TAFA5: variants seen among roughly 807,000 people sequenced by gnomAD.
TAFA5 encodes the protein TAFA chemokine like family member 5.
In TAFA5, 6 loss-of-function variants were observed where a neutral mutation model predicts 15.3. That is an observed-to-expected ratio of 0.39 (90% CI 0.21 to 0.77). TAFA5 has a LOEUF of 0.77. TAFA5 is among the 30% of genes least tolerant of loss of function. The pLI, the probability that TAFA5 is intolerant of heterozygous loss-of-function variation, is 0.41. For synonymous variants in TAFA5, 103 were observed against 80.7 expected, an observed-to-expected ratio of 1.28 and a Z score of -1.48; for missense variants, 161 against 193.1, an observed-to-expected ratio of 0.83 and a Z score of 0.98.
At chr22:48,537,235 G>A (rs1186660570) in intron 1 of TAFA5, among the ~76,000 whole-genome samples, 3 of 152,262 alleles carry the variant, frequency 2.0e-5, no homozygotes, top group Admixed American at 6.5e-5. Flanking sequence ...AGGGGAGGCC[G>A]GTGCTGCCAC....
intron 1 of TAFA5, among the ~76,000 whole-genome samples, chr22:48,620,710 C>G (rs1017021755): frequency 0.083 from 288 of 3,458 alleles, no homozygotes; most frequent in Non-Finnish European, 0.13. Flanking sequence ...CATACCCATC[C>G]TATCCACCCA....
intron 1 of TAFA5, among the ~76,000 whole-genome samples, chr22:48,609,896 C>G (rs977046431): frequency 6.6e-6 from 1 of 152,206 alleles, no homozygotes; most frequent in African/African-American, 2.4e-5. Context: ...CAGCCGTCCT[C>G]CCTCTGTGTC....
At chr22:48,691,463 G>A (rs892545950) in intron 2 of TAFA5, among the ~76,000 whole-genome samples, 8 of 152,200 alleles carry the variant, frequency 5.3e-5, no homozygotes, top group Admixed American at 2.0e-4. Context: ...GCCTTGTGTC[G>A]GGCACCAGGA....
At chr22:48,492,409 G>A (rs1269048377) in intron 1 of TAFA5, among the ~76,000 whole-genome samples, 1 of 152,168 alleles carries the variant, frequency 6.6e-6, no homozygotes, top group Non-Finnish European at 1.5e-5. Context: ...AACACATAAG[G>A]TGCTGGCTTC....
chr22:48,719,685 A>G lies in TAFA5; in HGVS notation c.390+11841A>G, dbSNP rs150494431. ...AGAAGTGGCCGGGGACCCGCACCTA[A>G]CTAATCTTTTTTCTGCACAAACAAT... On this transcript the variant is annotated intron_variant, in intron 3 of 3. Coordinates refer to ENST00000402357, the MANE Select transcript of TAFA5 (RefSeq NM_001082967.3). Among the ~76,000 whole-genome samples, 3 of 152,322 alleles carry G rather than the reference A, an allele frequency of 2.0e-5. No individual in the cohort carries two copies. The East Asian group carries it at 5.8e-4, about 29-fold the overall frequency.
At chr22:48,587,309 G>T (rs1924397885) in intron 1 of TAFA5, among the ~76,000 whole-genome samples, 1 of 152,220 alleles carries the variant, frequency 6.6e-6, no homozygotes, top group South Asian at 2.1e-4. Flanking sequence ...TGGGCAGAGG[G>T]TCCTGGACTG....
intron 1 of TAFA5, among the ~76,000 whole-genome samples, chr22:48,532,003 G>A (rs569273408): frequency 3.3e-5 from 5 of 152,344 alleles, no homozygotes; most frequent in African/African-American, 1.2e-4. Flanking sequence ...CTGAGCTCCC[G>A]TTTCCTGTCT....
intron 1 of TAFA5, among the ~76,000 whole-genome samples, chr22:48,600,728 C>T (rs28627733): frequency 0.09 from 13,635 of 152,246 alleles, 753 homozygotes; most frequent in East Asian, 0.21. Context: ...CGCCCTTCTG[C>T]GTAGGGTGGT....
Position 48,607,330 on chromosome 22 carries a change from G to T in TAFA5, c.113-39267G>T, listed in dbSNP as rs1341763881. On this transcript the variant is annotated intron_variant, in intron 1 of 3. Coordinates refer to ENST00000402357, the MANE Select transcript of TAFA5 (RefSeq NM_001082967.3). ...ATTAGGGCTGGCCCACCCATCCCAG[G>T]TACCTCAGCCTGGAGCAGATCTGTC... Among the ~76,000 whole-genome samples, 2 of 136,182 alleles carry T rather than the reference G, an allele frequency of 1.5e-5. 1 individual carries two copies. Among genetic ancestry groups the T allele is most frequent in the Non-Finnish European group, 3.2e-5 (2 of 63,320 alleles). The allele number at this position is 136,182 out of a possible 152,430, so 89.3% of individuals were successfully genotyped here.
At chr22:48,567,026 T>C (rs1042205545) in intron 1 of TAFA5, among the ~76,000 whole-genome samples, 1 of 152,234 alleles carries the variant, frequency 6.6e-6, no homozygotes, top group African/African-American at 2.4e-5. Context: ...GGTTTCGCTG[T>C]TCCACTTGTG....
intron 2 of TAFA5, among the ~76,000 whole-genome samples, chr22:48,660,865 C>T (rs1399082937): frequency 6.6e-6 from 1 of 152,100 alleles, no homozygotes; most frequent in Non-Finnish European, 1.5e-5. Context: ...AGCTCCTGGC[C>T]CTGGGAGCAC....
At chr22:48,667,710 T>C (rs1177263015) in intron 2 of TAFA5, among the ~76,000 whole-genome samples, 1 of 151,262 alleles carries the variant, frequency 6.6e-6, no homozygotes, top group Non-Finnish European at 1.5e-5. Flanking sequence ...CTTTCTGTCA[T>C]GAGCATGGGT....
chr22:48,495,609 G>C (rs930217447), intron 1 of TAFA5, among the ~76,000 whole-genome samples: 2 of 152,150 alleles, frequency 1.3e-5, no homozygotes, highest in African/African-American at 4.8e-5. Context: ...CCTGCACCCA[G>C]CCGGCATGTC....
At chr22:48,627,206 G>A (rs1208777358) in intron 1 of TAFA5, among the ~76,000 whole-genome samples, 4 of 152,202 alleles carry the variant, frequency 2.6e-5, no homozygotes, top group Non-Finnish European at 5.9e-5. Flanking sequence ...AATTTTTCTG[G>A]AAGTTCAGTC....
At position 48,509,883 on chromosome 22, in the gene TAFA5, G is replaced by A. The variant is rs1246268543; in HGVS notation, c.112+20179G>A. Among the ~76,000 whole-genome samples the A allele has an allele frequency of 4.6e-5, 7 of 151,384 alleles. No individual in the cohort carries two copies. The East Asian group carries it at 5.8e-4, about 13-fold the overall frequency. ...GGAGAATGGCGTGAACCCGGGAGGC[G>A]GAGCTTGCAGTGAGCTGAGATCACG... is the stretch of plus-strand genomic sequence containing the variant. On this transcript the variant is annotated intron_variant, in intron 1 of 3. Coordinates refer to ENST00000402357, the MANE Select transcript of TAFA5 (RefSeq NM_001082967.3).
intron 3 of TAFA5, among the ~76,000 whole-genome samples, chr22:48,726,980 A>G (rs989799292): frequency 6.6e-6 from 1 of 152,158 alleles, no homozygotes; most frequent in Non-Finnish European, 1.5e-5. Context: ...ATTCAGGTGT[A>G]TCTTCCGTAC....
intron 1 of TAFA5, among the ~76,000 whole-genome samples, chr22:48,554,142 G>A (rs1355554482): frequency 3.9e-5 from 6 of 152,222 alleles, no homozygotes; most frequent in Admixed American, 2.6e-4. Flanking sequence ...TTGAAGGATC[G>A]GGAGGAAGAG....
At chr22:48,725,124 G>T (rs183567577) in intron 3 of TAFA5, among the ~76,000 whole-genome samples, 3 of 152,230 alleles carry the variant, frequency 2.0e-5, no homozygotes, top group African/African-American at 7.2e-5. Flanking sequence ...GAAGCCTGTC[G>T]GGCATCCTGT....
chr22:48,528,789 C>T (rs57748057), intron 1 of TAFA5, among the ~76,000 whole-genome samples: 9 of 152,336 alleles, frequency 5.9e-5, no homozygotes, highest in East Asian at 1.9e-4. Flanking sequence ...AGCAGCTGTG[C>T]GCTTGCACCA....
Sources: allele counts gnomAD v4.1 joint callset (sites outside exome capture counted in the v4.1 genomes callset), GRCh38; gene constraint gnomAD v4.1.1; transcripts MANE v1.5; gene names NCBI Gene and HGNC (gene_info 2026-07-23, HGNC 2026-07-21).